The following STIM1 variants were observed in gnomAD, a reference collection of about 807,000 sequenced individuals.
The protein encoded by STIM1 is stromal interaction molecule 1.
Under a neutral mutation model 74.7 loss-of-function variants are expected in STIM1, and 25 were observed. The ratio of observed to expected loss-of-function variants is 0.33; its 90% CI spans 0.24 to 0.47. The LOEUF is 0.47. STIM1 is among the 20% of genes least tolerant of loss of function. STIM1 has a pLI of 1.00. For synonymous variants in STIM1, 328 were observed against 348.8 expected, an observed-to-expected ratio of 0.94 and a Z score of 0.66; for missense variants, 728 against 920.8, an observed-to-expected ratio of 0.79 and a Z score of 2.71.
At chr11:3,903,162 G>T (rs2092392223) in intron 1 of STIM1, among the ~76,000 whole-genome samples, 1 of 152,168 alleles carries the variant, frequency 6.6e-6, no homozygotes. Flanking sequence ...GGAAAACTGA[G>T]GCCTAGAGAA....
rs1436557316 is a variant in STIM1 at position 3,862,751 on chromosome 11, G to T, written c.139+6342G>T. ...GTGAGCCACCGTGCCCAGCCAAGTA[G>T]TCCCCTCTTATCTGTGGTTTCAGTT... On this transcript the variant is annotated intron_variant, in intron 1 of 12. Coordinates refer to ENST00000526596, the MANE Select transcript of STIM1 (RefSeq NM_001382567.1). 2.6e-5 allele frequency among the ~76,000 whole-genome samples: 4 copies of T among 151,732 alleles called. No individual in the cohort carries two copies. The East Asian group carries it at 7.8e-4, about 30-fold the overall frequency.
chr11:4,040,361 T>C (rs2094138855), intron 3 of STIM1, among the ~76,000 whole-genome samples: 1 of 152,192 alleles, frequency 6.6e-6, no homozygotes, highest in African/African-American at 2.4e-5. Flanking sequence ...CTAGGAAATG[T>C]TGTTCTTTTT....
Position 4,092,157 on chromosome 11 carries a change from T to G in STIM1, c.*359T>G. ...AGGTTTGGTTTCTTGTTTCTGTCTC[T>G]TGCTTTCGGGCTCCTCCCTCCCACC... On this transcript the variant is annotated 3_prime_UTR_variant, in exon 13 of 13. Transcript: ENST00000526596. The G allele has an allele frequency of 2.8e-6, 1 of 360,320 alleles. No individual in the cohort carries two copies. The allele number at this position is 360,320 out of a possible 1,614,324, so 22.3% of individuals were successfully genotyped here. A position where few individuals can be genotyped will look rare whatever the true frequency, so the allele number is the denominator to read the frequency against.
chr11:3,978,923 C>CTTTAGG (rs1425213162), intron 2 of STIM1, among the ~76,000 whole-genome samples: 1 of 152,074 alleles, frequency 6.6e-6, no homozygotes, highest in East Asian at 1.9e-4. Context: ...CACCATTTGG[C>CTTTAGG]TTTAGCTCAT....
At chr11:3,952,079 T>C (rs1423700364) in intron 1 of STIM1, among the ~76,000 whole-genome samples, 1 of 152,158 alleles carries the variant, frequency 6.6e-6, no homozygotes, top group African/African-American at 2.4e-5. Flanking sequence ...CACAGGGGAA[T>C]ACCAGAAGAA....
chr11:3,910,837 A>AAAAAAAAAT (rs1554956172), intron 1 of STIM1, among the ~76,000 whole-genome samples: 2 of 148,404 alleles, frequency 1.3e-5, no homozygotes, highest in Non-Finnish European at 1.5e-5. Flanking sequence ...AAAAAAAAAA[A>AAAAAAAAAT]TATCCGGGCG....
chr11:3,895,651 T>TTCC (rs2092058502), intron 1 of STIM1, among the ~76,000 whole-genome samples: 1 of 11,718 alleles, frequency 8.5e-5, no homozygotes, highest in African/African-American at 2.5e-4. Flanking sequence ...TCTTTCTTTC[T>TTCC]TTCTTTCTTT....
chr11:3,949,081 A>C (rs903525929), intron 1 of STIM1, among the ~76,000 whole-genome samples: 1 of 152,214 alleles, frequency 6.6e-6, no homozygotes, highest in African/African-American at 2.4e-5. Context: ...AAATGTAGGC[A>C]TAGAGAATTT....
intron 1 of STIM1, among the ~76,000 whole-genome samples, chr11:3,965,731 C>A (rs1236170883): frequency 6.6e-6 from 1 of 152,200 alleles, no homozygotes; most frequent in East Asian, 1.9e-4. Context: ...GCAGGCTGGG[C>A]GTGGTGGCCC....
At position 3,857,100 on chromosome 11, in the gene STIM1, TTTTTTTTG is replaced by T. The variant is rs1360085842; in HGVS notation, c.139+699_139+706del. Among the ~76,000 whole-genome samples, 26 of 114,924 alleles carry T rather than the reference TTTTTTTTG, an allele frequency of 2.3e-4. 1 individual carries two copies. Among genetic ancestry groups the T allele is most frequent in the South Asian group, 3.6e-4 (1 of 2,740 alleles). The allele number at this position is 114,924 out of a possible 152,430, so 75.4% of individuals were successfully genotyped here. A position where few individuals can be genotyped will look rare whatever the true frequency, so the allele number is the denominator to read the frequency against. On this transcript the variant is annotated intron_variant, in intron 1 of 12. Coordinates refer to ENST00000526596, the MANE Select transcript of STIM1 (RefSeq NM_001382567.1). ...GGTGGGAATTCCATGCTACAGGTTTTTTTTTTTGTTTTTTTTTTTTTTTCCCTGAGTCT... is the reference window on the plus strand; with the variant it reads ...GGTGGGAATTCCATGCTACAGGTTTTTTTTTTTTTTTTTTTCCCTGAGTCT...
At chr11:4,043,414 C>T (rs542103384) in intron 3 of STIM1, among the ~76,000 whole-genome samples, 1 of 152,124 alleles carries the variant, frequency 6.6e-6, no homozygotes, top group South Asian at 2.1e-4. Context: ...TTTTTTATAC[C>T]TCCCCCCTTT....
intron 1 of STIM1, among the ~76,000 whole-genome samples, chr11:3,862,324 T>C (rs1279031060): frequency 1.3e-5 from 2 of 151,176 alleles, no homozygotes; most frequent in African/African-American, 4.9e-5. Context: ...GGGGTGGGAG[T>C]TGTGAAGAAT....
intron 10 of STIM1, among the ~76,000 whole-genome samples, chr11:4,084,070 T>G (rs926642327): frequency 1.3e-5 from 2 of 152,310 alleles, no homozygotes; most frequent in Admixed American, 1.3e-4. Flanking sequence ...CTACCCGCTC[T>G]TCCTCTGTCC....
chr11:3,915,693 G>A (rs988487017), intron 1 of STIM1, among the ~76,000 whole-genome samples: 1 of 152,166 alleles, frequency 6.6e-6, no homozygotes, highest in Admixed American at 6.5e-5. Flanking sequence ...CACCGTGCCC[G>A]GCCTAGTTTT....
At chr11:4,061,488 T>C (rs1191202805) in intron 5 of STIM1, among the ~76,000 whole-genome samples, 1 of 152,210 alleles carries the variant, frequency 6.6e-6, no homozygotes, top group East Asian at 1.9e-4. Context: ...TTTTTAAAAA[T>C]GGAAAACTTG....
chr11:4,086,353 A>G (rs894622906), intron 11 of STIM1, 124 bp from the exon 12 acceptor site: 2 of 1,085,888 alleles, frequency 1.8e-6, no homozygotes, highest in Non-Finnish European at 2.7e-6. Flanking sequence ...GAGGTGCCCC[A>G]TTCTCCAGAT....
chr11:3,989,878 T>A (rs879895263), intron 2 of STIM1, among the ~76,000 whole-genome samples: 9 of 152,202 alleles, frequency 5.9e-5, no homozygotes, highest in Admixed American at 2.0e-4. Flanking sequence ...CTATCAATTT[T>A]AAAAAAACAG....
chr11:3,949,182 A>G (rs2167563), intron 1 of STIM1, among the ~76,000 whole-genome samples: 11,437 of 152,262 alleles, frequency 0.075, 769 homozygotes, highest in East Asian at 0.18. Flanking sequence ...GGGTCAGTAT[A>G]GAGAAGGCTC....
intron 4 of STIM1, among the ~76,000 whole-genome samples, chr11:4,057,566 T>A (rs1252865265): frequency 6.6e-6 from 1 of 152,214 alleles, no homozygotes; most frequent in Non-Finnish European, 1.5e-5. Context: ...AGTCTCCATT[T>A]TCTTATCTAG....
Sources: gnomAD v4.1 joint callset for allele counts (sites outside exome capture counted in the v4.1 genomes callset) on GRCh38, gnomAD v4.1.1 for gene constraint, MANE v1.5 for transcripts, NCBI Gene and HGNC (gene_info 2026-07-23, HGNC 2026-07-21) for gene names.